Variants in ULK4 observed in about 807,000 individuals in gnomAD.
ULK4 encodes the protein inactive serine/threonine-protein kinase ULK4.
ULK4 carries 133 observed loss-of-function variants against 160.6 expected under a neutral mutation model. The observed-to-expected ratio is 0.83, with a 90% confidence interval of 0.72 to 0.96. ULK4 has a LOEUF of 0.96. Among genes scored for constraint, ULK4 ranks in the 40% least tolerant of loss-of-function variants. ULK4 has a pLI of 0.00. For missense variants in ULK4, 1,580 were observed against 1,499.5 expected (o/e 1.05, Z -0.89); for synonymous variants, 534 against 539.8 (o/e 0.99, Z 0.15).
At chr3:41,732,648 T>G (rs1389044113) in intron 22 of ULK4, among the ~76,000 whole-genome samples, 1 of 152,052 alleles carries the variant, frequency 6.6e-6, no homozygotes, top group Non-Finnish European at 1.5e-5. Flanking sequence ...ATTCAATATA[T>G]CAAAGGAATA....
At chr3:41,362,873 C>T (rs937216642) in intron 35 of ULK4, among the ~76,000 whole-genome samples, 2 of 152,242 alleles carry the variant, frequency 1.3e-5, no homozygotes, top group Admixed American at 1.3e-4. Flanking sequence ...TTCACGACAG[C>T]TCAGAAGCTC....
intron 20 of ULK4, among the ~76,000 whole-genome samples, chr3:41,794,686 A>AAAAAC (rs1553654814): frequency 5.3e-5 from 6 of 112,384 alleles, no homozygotes; most frequent in African/African-American, 2.5e-4. Flanking sequence ...AAAAAAAAAA[A>AAAAAC]CACAGAAAAA....
intron 7 of ULK4, 67 bp from the exon 8 acceptor site, chr3:41,916,119 T>C: frequency 1.0e-6 from 1 of 997,654 alleles, no homozygotes; most frequent in Non-Finnish European, 1.5e-6. Context: ...TATTTTTATC[T>C]CTTACATCAA....
chr3:41,381,828 G>A (rs1158330812), intron 35 of ULK4, among the ~76,000 whole-genome samples: 1 of 151,940 alleles, frequency 6.6e-6, no homozygotes, highest in East Asian at 1.9e-4. Context: ...TGTTTACGAG[G>A]GTTTACAGGG....
chr3:41,374,324 G>C (rs2081432966), intron 35 of ULK4, among the ~76,000 whole-genome samples: 1 of 152,114 alleles, frequency 6.6e-6, no homozygotes, highest in African/African-American at 2.4e-5. Context: ...ACCCGGCAGA[G>C]ACACAACAAA....
At chr3:41,578,758 T>C (rs1174710297) in intron 31 of ULK4, among the ~76,000 whole-genome samples, 1 of 152,150 alleles carries the variant, frequency 6.6e-6, no homozygotes, top group Non-Finnish European at 1.5e-5. Flanking sequence ...ACCCTACACA[T>C]AAGTATGGTA....
intron 27 of ULK4, among the ~76,000 whole-genome samples, chr3:41,683,648 C>G (rs539617763): frequency 6.6e-6 from 1 of 151,594 alleles, no homozygotes; most frequent in Non-Finnish European, 1.5e-5. Context: ...TCCCTTCCTT[C>G]GCTTTTCATT....
At chr3:41,755,888 T>G (rs1292408633) in intron 21 of ULK4, among the ~76,000 whole-genome samples, 1 of 152,154 alleles carries the variant, frequency 6.6e-6, no homozygotes, top group Non-Finnish European at 1.5e-5. Flanking sequence ...CAAGGAAACA[T>G]TCAATGAAAT....
chr3:41,276,102 G>A (rs1009462168), intron 35 of ULK4, among the ~76,000 whole-genome samples: 4 of 152,238 alleles, frequency 2.6e-5, no homozygotes, highest in African/African-American at 9.6e-5. Context: ...TAGAGAATAT[G>A]TGTCTGTAAA....
intron 31 of ULK4, among the ~76,000 whole-genome samples, chr3:41,589,415 C>T (rs533759437): frequency 8.1e-6 from 1 of 124,048 alleles, no homozygotes; most frequent in African/African-American, 3.3e-5. Flanking sequence ...GGAAAAAACA[C>T]CACAAAGGCC....
chr3:41,593,755 G>T (rs1283896960), intron 31 of ULK4, among the ~76,000 whole-genome samples: 1 of 152,160 alleles, frequency 6.6e-6, no homozygotes, highest in East Asian at 1.9e-4. Context: ...GCCTGGCTGG[G>T]CACAGTGGCT....
chr3:41,619,216 C>G (rs571337728), intron 30 of ULK4, among the ~76,000 whole-genome samples: 1 of 151,374 alleles, frequency 6.6e-6, no homozygotes, highest in Admixed American at 6.6e-5. Flanking sequence ...ATTAGACCAA[C>G]GAGACAAAAA....
Position 41,286,492 on chromosome 3 carries a change from G to A in ULK4, c.3679-36918C>T, listed in dbSNP as rs962364362. On this transcript the variant is annotated intron_variant, in intron 35 of 36. Transcript: ENST00000301831. Reference sequence around the variant, plus strand: ...GGAGTGGAAGCAGCTGGAAGGCTGAGGCTAGGACAACCAGCAGACGGTGCC... The same window carrying A: ...GGAGTGGAAGCAGCTGGAAGGCTGAAGCTAGGACAACCAGCAGACGGTGCC... Among the ~76,000 whole-genome samples the A allele has an allele frequency of 2.6e-5, 4 of 152,194 alleles. No homozygotes were observed. In the South Asian group the frequency reaches 8.3e-4, roughly 31 times the overall value.
intron 32 of ULK4, 45 bp downstream of exon 32, chr3:41,565,980 G>T (rs1375892769): frequency 1.3e-6 from 2 of 1,501,410 alleles, no homozygotes; most frequent in Non-Finnish European, 1.8e-6. Context: ...ATGAAGAAAT[G>T]AATAGGCAAA....
chr3:41,742,831 C>T (rs929065620), intron 22 of ULK4, among the ~76,000 whole-genome samples: 1 of 151,676 alleles, frequency 6.6e-6, no homozygotes, highest in African/African-American at 2.4e-5. Context: ...AAATAAAAAC[C>T]TCACTGGATA....
chr3:41,712,804 A>G (rs1428344445), intron 25 of ULK4, among the ~76,000 whole-genome samples: 1 of 152,138 alleles, frequency 6.6e-6, no homozygotes, highest in Non-Finnish European at 1.5e-5. Flanking sequence ...AGGAGGTAGG[A>G]TTGCTTGCGC....
chr3:41,739,160 C>G (rs1009082552), intron 22 of ULK4, among the ~76,000 whole-genome samples: 9 of 151,908 alleles, frequency 5.9e-5, no homozygotes. Context: ...GTATGCAAAG[C>G]AGTAAACCAT....
chr3:41,481,955 A>G (rs992353180), intron 32 of ULK4, among the ~76,000 whole-genome samples: 3 of 151,970 alleles, frequency 2.0e-5, no homozygotes, highest in African/African-American at 7.2e-5. Flanking sequence ...ACATGACCCT[A>G]TGATTTTTTT....
intron 2 of ULK4, among the ~76,000 whole-genome samples, chr3:41,948,197 TC>T (rs1700170505): frequency 6.6e-6 from 1 of 152,142 alleles, no homozygotes; most frequent in Non-Finnish European, 1.5e-5. Flanking sequence ...ATACCTGTAA[TC>T]CCGGCATTTC....
Sources: gnomAD v4.1 joint callset for allele counts (sites outside exome capture counted in the v4.1 genomes callset) on GRCh38, gnomAD v4.1.1 for gene constraint, MANE v1.5 for transcripts, NCBI Gene and HGNC (gene_info 2026-07-23, HGNC 2026-07-21) for gene names.